Variants in ZFP64 observed in about 807,000 individuals in gnomAD.
ZFP64 encodes the protein ZFP64 zinc finger protein.
A neutral mutation model predicts 51.6 loss-of-function variants in ZFP64; 14 were observed. That is an observed-to-expected ratio of 0.27 (90% CI 0.18 to 0.42). The LOEUF is 0.42. Ranked by LOEUF, ZFP64 falls within the 10% of genes least tolerant of loss-of-function variation. The pLI is 1.00. For missense variants in ZFP64, 754 were observed against 906.8 expected (o/e 0.83, Z 2.16); for synonymous variants, 375 against 361.4 (o/e 1.04, Z -0.43).
rs1311141996 is a variant in ZFP64, at chr20:52,191,466, C to T, written c.46+125G>A. 8 of 1,225,676 alleles carry T rather than the reference C, an allele frequency of 6.5e-6. No homozygotes were observed. The African/African-American group carries it at 1.1e-4, about 17-fold the overall frequency. 75.9% of individuals were successfully genotyped at this position (1,225,676 alleles called of 1,614,324 possible). A position where few individuals can be genotyped will look rare whatever the true frequency, so the allele number is the denominator to read the frequency against. On this transcript the variant is annotated intron_variant, in intron 1 of 5. Transcript: ENST00000216923. The surrounding 1 kb of genome is among the most constrained non-coding windows in gnomAD (Gnocchi z 4.3). Reference sequence around the variant, plus strand: ...GCCCGCCGCGGTCCCCGAGACGCGGCTCCGAGCCGTCACCCCGATTTCGGG... The same window carrying T: ...GCCCGCCGCGGTCCCCGAGACGCGGTTCCGAGCCGTCACCCCGATTTCGGG...
intron 5 of ZFP64, among the ~76,000 whole-genome samples, chr20:52,155,678 T>C (rs555360339): frequency 1.3e-5 from 2 of 152,264 alleles, no homozygotes; most frequent in African/African-American, 4.8e-5. Flanking sequence ...AACATTTCTT[T>C]AATGAAGTAT....
At chr20:52,174,962 A>G (rs540972925) in intron 2 of ZFP64, among the ~76,000 whole-genome samples, 1 of 152,334 alleles carries the variant, frequency 6.6e-6, no homozygotes, top group South Asian at 2.1e-4. Flanking sequence ...TTTACATGTA[A>G]TTAGTGAGAT....
intron 7 of ZFP64, among the ~76,000 whole-genome samples, chr20:52,090,541 C>A (rs745780010): frequency 5.9e-5 from 9 of 152,142 alleles, no homozygotes; most frequent in Non-Finnish European, 8.8e-5. Context: ...TGGCTCACAC[C>A]TGTAATCCCA....
At chr20:52,096,255 C>T (rs2078987351) in intron 7 of ZFP64, among the ~76,000 whole-genome samples, 1 of 152,206 alleles carries the variant, frequency 6.6e-6, no homozygotes, top group Non-Finnish European at 1.5e-5. Flanking sequence ...CGCTCATGTT[C>T]CCCTAGGTCA....
chr20:52,093,403 G>C (rs1201041691), intron 7 of ZFP64, among the ~76,000 whole-genome samples: 2 of 152,230 alleles, frequency 1.3e-5, no homozygotes, highest in South Asian at 2.1e-4. Flanking sequence ...GCCTCTGAAA[G>C]TGCTGGGATT....
Position 52,160,481 on chromosome 20 carries a change from T to A in ZFP64, c.512-107A>T. On this transcript the variant is annotated intron_variant, in intron 4 of 5. Coordinates refer to ENST00000216923, the MANE Select transcript of ZFP64 (RefSeq NM_018197.3). The surrounding 1 kb of genome is among the most constrained non-coding windows in gnomAD (Gnocchi z 4.2). ...AAAGTCATATACAACCACCGAAGAA[T>A]ATTCCAAAAACCCTAAAACACTGGG... 6.9e-7 allele frequency: 1 copy of A among 1,453,992 alleles called. No individual in the cohort carries two copies. Among genetic ancestry groups the A allele is most frequent in the Non-Finnish European group, 9.1e-7 (1 of 1,094,108 alleles). The allele number at this position is 1,453,992 out of a possible 1,614,324, so 90.1% of individuals were successfully genotyped here. A position where few individuals can be genotyped will look rare whatever the true frequency, so the allele number is the denominator to read the frequency against.
chr20:52,165,773 T>G, intron 3 of ZFP64, 91 bp downstream of exon 3: 2 of 1,545,818 alleles, frequency 1.3e-6, no homozygotes, highest in Non-Finnish European at 1.8e-6. Context: ...AACACATCCA[T>G]GAGCAGTTGT....
intron 7 of ZFP64, among the ~76,000 whole-genome samples, chr20:52,090,357 G>T (rs1364673687): frequency 1.3e-5 from 2 of 152,152 alleles, no homozygotes; most frequent in Non-Finnish European, 2.9e-5. Context: ...GAGAGGAGAA[G>T]ATAGTTGATA....
At chr20:52,145,086 AT>A (rs1032566497) in intron 5 of ZFP64, among the ~76,000 whole-genome samples, 31 of 152,340 alleles carry the variant, frequency 2.0e-4, no homozygotes, top group African/African-American at 7.0e-4. Context: ...GCTCCAGCTT[AT>A]TTTTAGAGTT....
chr20:52,088,322 T>G (rs1191500162), intron 8 of ZFP64: 11 of 1,578,558 alleles, frequency 7.0e-6, no homozygotes, highest in Non-Finnish European at 9.4e-6. Flanking sequence ...TTGCTTGTGT[T>G]GTTAAGTAAA....
chr20:52,174,091 T>G (rs1467346504), intron 2 of ZFP64, among the ~76,000 whole-genome samples: 1 of 152,094 alleles, frequency 6.6e-6, no homozygotes, highest in East Asian at 1.9e-4. Flanking sequence ...CCATTACTGT[T>G]CCCCCTGCAC....
At chr20:52,182,827 C>G (rs895199115) in intron 2 of ZFP64, among the ~76,000 whole-genome samples, 1 of 152,122 alleles carries the variant, frequency 6.6e-6, no homozygotes, top group South Asian at 2.1e-4. Context: ...GAGCAGTGTT[C>G]ACACCCAAGA....
intron 5 of ZFP64, among the ~76,000 whole-genome samples, chr20:52,115,781 A>AC (rs1378339421): frequency 8.8e-6 from 1 of 113,672 alleles, no homozygotes; most frequent in African/African-American, 3.3e-5. Flanking sequence ...GAGAACCTAA[A>AC]TTTCTCTCTC....
chr20:52,128,237 G>C (rs1462986439), intron 5 of ZFP64, among the ~76,000 whole-genome samples: 3 of 152,138 alleles, frequency 2.0e-5, no homozygotes, highest in African/African-American at 7.2e-5. Context: ...CCAAGAGTTT[G>C]AGACCAGCCT....
At chr20:52,157,828 C>T (rs1981443363) in intron 5 of ZFP64, among the ~76,000 whole-genome samples, 1 of 152,122 alleles carries the variant, frequency 6.6e-6, no homozygotes. Flanking sequence ...TAGCCTCCCA[C>T]CCCTTGACAG....
chr20:52,142,860 C>CAAAAAAAAAAAAA (rs1568674174), intron 5 of ZFP64, among the ~76,000 whole-genome samples: 2 of 84,952 alleles, frequency 2.4e-5, no homozygotes, highest in Non-Finnish European at 2.7e-5. Flanking sequence ...AAAAAAAAAG[C>CAAAAAAAAAAAAA]AAAAAAGAGG....
At chr20:52,110,894 A>G in intron 5 of ZFP64, 2 of 1,610,130 alleles carry the variant, frequency 1.2e-6, no homozygotes, top group South Asian at 2.2e-5. Flanking sequence ...CTGGAAGCCG[A>G]GTTTTCAGCA....
At chr20:52,098,440 G>A in exon 6 of ZFP64, 1 of 1,613,950 alleles carries the variant, frequency 6.2e-7, no homozygotes, top group Non-Finnish European at 8.5e-7. Flanking sequence ...ACTCTTACCT[G>A]GGTAGCAACA....
chr20:52,093,010 G>C (rs1473008191), intron 7 of ZFP64, among the ~76,000 whole-genome samples: 1 of 152,056 alleles, frequency 6.6e-6, no homozygotes, highest in Non-Finnish European at 1.5e-5. Flanking sequence ...CTCTGGTTTG[G>C]ACATGACGTA....
Sources: allele counts gnomAD v4.1 joint callset (sites outside exome capture counted in the v4.1 genomes callset), GRCh38; gene constraint gnomAD v4.1.1; non-coding constraint Gnocchi (gnomAD v3.1); transcripts MANE v1.5; gene names NCBI Gene and HGNC (gene_info 2026-07-23, HGNC 2026-07-21).